SAMSN1: variants seen among roughly 807,000 people sequenced by gnomAD.
The protein encoded by SAMSN1 is SAM domain, SH3 domain and nuclear localization signals 1.
A neutral mutation model predicts 42.0 loss-of-function variants in SAMSN1; 31 were observed. The ratio of observed to expected loss-of-function variants is 0.74; its 90% confidence interval spans 0.55 to 1.00. The LOEUF (loss-of-function observed/expected upper bound fraction) is 1.00. Among genes scored for constraint, SAMSN1 ranks in the 50% least tolerant of loss-of-function variants. SAMSN1 has a pLI of 0.00. For synonymous variants in SAMSN1, 178 were observed against 151.9 expected, an observed-to-expected ratio of 1.17 and a Z score of -1.26; for missense variants, 464 against 439.4, an observed-to-expected ratio of 1.06 and a Z score of -0.50.
At chr21:14,532,847 A>G in intron 1 of SAMSN1, among the ~76,000 whole-genome samples, 1 of 152,162 alleles carries the variant, frequency 6.6e-6, no homozygotes, top group Admixed American at 6.5e-5. Flanking sequence ...CAATATAAAG[A>G]AACTATAATC....
chr21:14,513,561 TA>T (rs1482431088), intron 3 of SAMSN1, among the ~76,000 whole-genome samples: 1 of 152,038 alleles, frequency 6.6e-6, no homozygotes, highest in Non-Finnish European at 1.5e-5. Flanking sequence ...GAGGTGTGTC[TA>T]AACACAATAA....
At chr21:14,594,192 T>A in intron 6 of SAMSN1, 1 of 591,938 alleles carries the variant, frequency 1.7e-6, no homozygotes, top group Non-Finnish European at 3.0e-6. Context: ...GCTGTCTTAA[T>A]TAGAAATAAT....
chr21:14,539,319 A>G (rs1296171289), intron 1 of SAMSN1, among the ~76,000 whole-genome samples: 2 of 152,230 alleles, frequency 1.3e-5, no homozygotes, highest in African/African-American at 2.4e-5. Context: ...AAAGAAATAA[A>G]GGGTATTCAA....
intron 7 of SAMSN1, among the ~76,000 whole-genome samples, chr21:14,492,556 T>A (rs543901247): frequency 2.6e-4 from 39 of 152,308 alleles, no homozygotes; most frequent in African/African-American, 8.7e-4. Context: ...AGCTATGTGT[T>A]GTATACAATC....
At chr21:14,612,746 A>T in intron 4 of SAMSN1, 2 of 660,280 alleles carry the variant, frequency 3.0e-6, no homozygotes, top group Non-Finnish European at 2.8e-6. Flanking sequence ...ATGTTCTTCT[A>T]TATAATTCAA....
At chr21:14,559,980 C>T (rs1286108890) in intron 2 of SAMSN1, among the ~76,000 whole-genome samples, 3 of 152,088 alleles carry the variant, frequency 2.0e-5, no homozygotes, top group African/African-American at 7.2e-5. Flanking sequence ...CTATTATGGG[C>T]CTGGGACTCT....
chr21:14,619,535 T>C (rs1982945613), intron 2 of SAMSN1: 1 of 179,604 alleles, frequency 5.6e-6, no homozygotes, highest in Non-Finnish European at 1.4e-5. Context: ...GTATTTTTTT[T>C]GGAATTGCAC....
rs566925611 is a variant in SAMSN1 at position 14,540,538 on chromosome 21, A to C, written c.57+5667T>G. 5.1e-3 allele frequency among the ~76,000 whole-genome samples: 779 copies of C among 152,348 alleles called. 9 individuals are homozygous for C. The highest frequency in any genetic ancestry group is 0.018 in the African/African-American group (741 of 41,578). On this transcript the variant is annotated intron_variant, in intron 1 of 7. Coordinates refer to ENST00000400566, the MANE Select transcript of SAMSN1 (RefSeq NM_022136.5). ...CCAAAAGACACATGAAAAAATGCTC[A>C]TCATCACTGGCCATCAGAGAAATGC...
At chr21:14,582,594 C>G in intron 1 of SAMSN1, 1 of 440,606 alleles carries the variant, frequency 2.3e-6, no homozygotes, top group Admixed American at 4.0e-5. Flanking sequence ...ATGGATAAAC[C>G]AAGAAGTCAT....
intron 5 of SAMSN1, among the ~76,000 whole-genome samples, chr21:14,501,145 A>G (rs1208462181): frequency 6.6e-6 from 1 of 152,186 alleles, no homozygotes; most frequent in Non-Finnish European, 1.5e-5. Context: ...CCTATCTTAA[A>G]AAAAATTCAA....
At chr21:14,622,113 A>G (rs1212050427) in intron 2 of SAMSN1, among the ~76,000 whole-genome samples, 1 of 152,196 alleles carries the variant, frequency 6.6e-6, no homozygotes, top group Non-Finnish European at 1.5e-5. Flanking sequence ...CCACACCAAA[A>G]CCCCATCTGT....
exon 2 of SAMSN1, chr21:14,582,191 A>G: frequency 6.4e-7 from 1 of 1,550,736 alleles, no homozygotes; most frequent in South Asian, 1.2e-5. Context: ...TGTGTGGCGA[A>G]TACAAGAGGA....
chr21:14,564,306 C>T (rs747422493), intron 2 of SAMSN1, among the ~76,000 whole-genome samples: 2 of 152,098 alleles, frequency 1.3e-5, no homozygotes, highest in Non-Finnish European at 2.9e-5. Flanking sequence ...TTATTAAAGC[C>T]TAGAAGTAGA....
At chr21:14,491,543 T>C (rs1022463489) in intron 7 of SAMSN1, among the ~76,000 whole-genome samples, 4 of 152,226 alleles carry the variant, frequency 2.6e-5, no homozygotes, top group African/African-American at 9.6e-5. Flanking sequence ...AAACAAGCCA[T>C]GTTAAACAAA....
At chr21:14,645,622 G>C (rs188938815) in intron 1 of SAMSN1, among the ~76,000 whole-genome samples, 116 of 152,242 alleles carry the variant, frequency 7.6e-4, no homozygotes, top group Middle Eastern at 3.4e-3. Context: ...ACATCTACTA[G>C]CATCAACACC....
At chr21:14,527,235 A>G (rs1600897168) in intron 1 of SAMSN1, among the ~76,000 whole-genome samples, 4 of 152,334 alleles carry the variant, frequency 2.6e-5, no homozygotes, top group South Asian at 2.1e-4. Context: ...GAATCTCAAT[A>G]AGCTTGTCAG....
At chr21:14,582,928 G>T (rs901090076) in intron 1 of SAMSN1, among the ~76,000 whole-genome samples, 3 of 152,066 alleles carry the variant, frequency 2.0e-5, no homozygotes, top group African/African-American at 7.2e-5. Context: ...TAAAATCTCA[G>T]TGGTTTGGAC....
intron 1 of SAMSN1, among the ~76,000 whole-genome samples, chr21:14,645,062 G>T (rs531125451): frequency 6.6e-6 from 1 of 152,264 alleles, no homozygotes; most frequent in Non-Finnish European, 1.5e-5. Flanking sequence ...CTGCACTTCT[G>T]GACTCACCCA....
intron 4 of SAMSN1, among the ~76,000 whole-genome samples, chr21:14,611,857 T>G (rs1000728): frequency 0.65 from 98,739 of 151,874 alleles, 32,244 homozygotes; most frequent in East Asian, 0.68. Context: ...TAAAAAAGAA[T>G]GAAATGAGTA....
Sources: gnomAD v4.1 joint callset for allele counts (sites outside exome capture counted in the v4.1 genomes callset) on GRCh38, gnomAD v4.1.1 for gene constraint, MANE v1.5 for transcripts, NCBI Gene and HGNC (gene_info 2026-07-23, HGNC 2026-07-21) for gene names.